ADGRL3: variants seen among roughly 807,000 people sequenced by gnomAD.
The protein encoded by ADGRL3 is calcium-independent alpha-latrotoxin receptor 3.
ADGRL3 carries 62 observed loss-of-function variants against 153.5 expected under a neutral mutation model. The observed-to-expected ratio is 0.40, with a 90% CI of 0.33 to 0.50. The LOEUF is 0.50. Among genes scored for constraint, ADGRL3 ranks in the 20% least tolerant of loss-of-function variants. The pLI is 0.47. For synonymous variants in ADGRL3, 710 were observed against 672.5 expected (o/e 1.06, Z -0.86); for missense variants, 1,641 against 1,859.4 (o/e 0.88, Z 2.16).
chr4:61,223,034 A>C (rs980770817), intron 1 of ADGRL3, among the ~76,000 whole-genome samples: 1 of 152,134 alleles, frequency 6.6e-6, no homozygotes, highest in African/African-American at 2.4e-5. Context: ...TATTGAGGAA[A>C]TTTAGAAGAT....
chr4:61,483,962 A>G (rs1439622499), intron 2 of ADGRL3, among the ~76,000 whole-genome samples: 3 of 151,658 alleles, frequency 2.0e-5, no homozygotes, highest in African/African-American at 2.4e-5. Flanking sequence ...CCTAACTTAT[A>G]ATATATTCTG....
chr4:61,386,047 T>C (rs535564099), intron 2 of ADGRL3, among the ~76,000 whole-genome samples: 6 of 152,156 alleles, frequency 3.9e-5, no homozygotes, highest in African/African-American at 1.2e-4. Context: ...GTGGTGGTTG[T>C]TTGAAAGGGT....
intron 5 of ADGRL3, among the ~76,000 whole-genome samples, chr4:61,639,487 T>A (rs892417448): frequency 3.9e-5 from 6 of 152,132 alleles, no homozygotes; most frequent in Non-Finnish European, 5.9e-5. Context: ...ACTATATACT[T>A]TTAACATAGA....
intron 8 of ADGRL3, among the ~76,000 whole-genome samples, chr4:61,743,882 C>A (rs1015288872): frequency 2.6e-5 from 4 of 152,166 alleles, no homozygotes; most frequent in Non-Finnish European, 4.4e-5. Context: ...GTGCAGCACA[C>A]CGTGTGCGAG....
intron 5 of ADGRL3, among the ~76,000 whole-genome samples, chr4:61,647,537 C>T (rs999936324): frequency 6.6e-6 from 1 of 151,918 alleles, no homozygotes; most frequent in Non-Finnish European, 1.5e-5. Context: ...AAAGTATTTT[C>T]TTTTGACGTT....
At chr4:61,259,363 C>A (rs1456695900) in intron 1 of ADGRL3, among the ~76,000 whole-genome samples, 2 of 151,920 alleles carry the variant, frequency 1.3e-5, no homozygotes, top group South Asian at 4.2e-4. Flanking sequence ...GCGGAGTTTG[C>A]AGTGAGCCGA....
At chr4:61,834,113 T>TC (rs1581058140) in intron 9 of ADGRL3, among the ~76,000 whole-genome samples, 1 of 65,508 alleles carries the variant, frequency 1.5e-5, no homozygotes, top group Non-Finnish European at 3.0e-5. Flanking sequence ...CCTCCCCCCT[T>TC]CCCCCACCCC....
At chr4:62,040,138 T>C (rs1582014142) in intron 24 of ADGRL3, among the ~76,000 whole-genome samples, 1 of 152,098 alleles carries the variant, frequency 6.6e-6, no homozygotes, top group East Asian at 1.9e-4. Context: ...AAAATGGTGA[T>C]AATAAATACT....
intron 2 of ADGRL3, among the ~76,000 whole-genome samples, chr4:61,451,689 T>C (rs1159393090): frequency 6.6e-6 from 1 of 152,190 alleles, no homozygotes; most frequent in African/African-American, 2.4e-5. Flanking sequence ...TTATTCATTC[T>C]AGAAGCCCAA....
chr4:61,935,283 T>C (rs2098833491), intron 14 of ADGRL3, among the ~76,000 whole-genome samples: 2 of 152,120 alleles, frequency 1.3e-5, no homozygotes, highest in African/African-American at 4.8e-5. Flanking sequence ...TACAGTGAGG[T>C]TCGTTTTTTT....
chr4:61,676,911 G>A lies in ADGRL3; in HGVS notation c.559G>A (p.Val187Met). Reference sequence around the variant, plus strand: ...TCCAGGAACCTATAAATACCTTGAAGTGCAGTATGAATGTGTCCCTTACAG... The same window carrying A: ...TCCAGGAACCTATAAATACCTTGAAATGCAGTATGAATGTGTCCCTTACAG... ...PCPGTYKYLEVQYECVPYKVE... is the reference protein window; with the variant it reads ...PCPGTYKYLEMQYECVPYKVE... Residue 187 changes from valine to methionine, a missense_variant, in exon 6 of 27, where the codon GTG (valine) becomes ATG (methionine). Transcript: ENST00000683033. 1 of 1,610,932 alleles carries A rather than the reference G, an allele frequency of 6.2e-7. No homozygotes were observed. The highest frequency in any genetic ancestry group is 8.5e-7 in the Non-Finnish European group (1 of 1,177,546).
intron 4 of ADGRL3, among the ~76,000 whole-genome samples, chr4:61,560,451 A>T (rs2098790169): frequency 6.6e-6 from 1 of 152,086 alleles, no homozygotes. Context: ...TAAATTTCCA[A>T]AGTACAAATT....
intron 8 of ADGRL3, among the ~76,000 whole-genome samples, chr4:61,750,089 G>C (rs1362157750): frequency 6.8e-6 from 1 of 146,314 alleles, no homozygotes; most frequent in Admixed American, 7.1e-5. Flanking sequence ...TTCTGTGGTT[G>C]TTACAAGAAA....
intron 9 of ADGRL3, among the ~76,000 whole-genome samples, chr4:61,889,166 C>A (rs2098555702): frequency 6.6e-6 from 1 of 152,208 alleles, no homozygotes; most frequent in Non-Finnish European, 1.5e-5. Flanking sequence ...TTAATCCTAA[C>A]AACACATATT....
intron 5 of ADGRL3, among the ~76,000 whole-genome samples, chr4:61,667,977 T>A (rs997303183): frequency 6.6e-6 from 1 of 152,166 alleles, no homozygotes; most frequent in Non-Finnish European, 1.5e-5. Context: ...TTACTTAACA[T>A]GTGTTAGGAT....
At chr4:61,926,832 T>G (rs995380005) in intron 13 of ADGRL3, among the ~76,000 whole-genome samples, 1 of 152,202 alleles carries the variant, frequency 6.6e-6, no homozygotes, top group Non-Finnish European at 1.5e-5. Context: ...TTGAAATCTA[T>G]CCTTCACTTA....
chr4:61,961,235 T>C (rs1165008050), intron 17 of ADGRL3, among the ~76,000 whole-genome samples: 1 of 152,142 alleles, frequency 6.6e-6, no homozygotes, highest in African/African-American at 2.4e-5. Flanking sequence ...TAAAAAAAGA[T>C]AGCTGCCACC....
chr4:61,659,897 CAAA>C (rs566191178), intron 5 of ADGRL3, among the ~76,000 whole-genome samples: 2 of 109,108 alleles, frequency 1.8e-5, no homozygotes, highest in Admixed American at 1.1e-4. Context: ...GTGAAGATTA[CAAA>C]AAAAAAAAAA....
chr4:61,995,907 A>T (rs1342177295), intron 19 of ADGRL3, among the ~76,000 whole-genome samples: 1 of 152,190 alleles, frequency 6.6e-6, no homozygotes, highest in African/African-American at 2.4e-5. Context: ...ACTTTGCCTG[A>T]CAGCTGATAG....
Sources: allele counts gnomAD v4.1 joint callset (sites outside exome capture counted in the v4.1 genomes callset), GRCh38; gene constraint gnomAD v4.1.1; transcripts MANE v1.5; gene names NCBI Gene and HGNC (gene_info 2026-07-23, HGNC 2026-07-21).